Variants in SACM1L observed in about 807,000 individuals in gnomAD.
SACM1L encodes SAC1 like phosphatidylinositide phosphatase, also known as phosphatidylinositol-3-phosphatase SAC1.
In SACM1L, 32 loss-of-function variants were observed where a neutral mutation model predicts 89.5. The ratio of observed to expected loss-of-function variants is 0.36; its 90% CI spans 0.27 to 0.48. The LOEUF is 0.48. Among genes scored for constraint, SACM1L ranks in the 20% least tolerant of loss-of-function variants. The pLI, the probability that SACM1L is intolerant of heterozygous loss-of-function variation, is 0.99. For synonymous variants in SACM1L, 213 were observed against 232.8 expected (o/e 0.92, Z 0.77); for missense variants, 543 against 708.5 (o/e 0.77, Z 2.65).
chr3:45,693,444 A>AT (rs577555838), intron 1 of SACM1L, among the ~76,000 whole-genome samples: 3 of 152,348 alleles, frequency 2.0e-5, no homozygotes, highest in African/African-American at 7.2e-5. Flanking sequence ...TTTGGAATGT[A>AT]TCGTTTTGAA....
intron 8 of SACM1L, among the ~76,000 whole-genome samples, chr3:45,721,656 C>T (rs976829484): frequency 1.3e-5 from 2 of 152,034 alleles, no homozygotes; most frequent in Non-Finnish European, 2.9e-5. Context: ...TGGACATTTT[C>T]TCAGGGGTCT....
chr3:45,709,963 A>G (rs1387787001), intron 5 of SACM1L, among the ~76,000 whole-genome samples: 3 of 152,218 alleles, frequency 2.0e-5, no homozygotes, highest in Non-Finnish European at 4.4e-5. Context: ...CAGGCTACCA[A>G]GTGCTAACTC....
intron 11 of SACM1L, among the ~76,000 whole-genome samples, chr3:45,726,785 A>G (rs976246499): frequency 6.6e-6 from 1 of 151,346 alleles, no homozygotes; most frequent in African/African-American, 2.4e-5. Context: ...AAAGTGTAAA[A>G]TTAGGTTATT....
intron 1 of SACM1L, among the ~76,000 whole-genome samples, chr3:45,699,517 G>A (rs1328875780): frequency 6.6e-6 from 1 of 151,834 alleles, no homozygotes; most frequent in African/African-American, 2.4e-5. Context: ...AAAGTGCCTT[G>A]GTTCTTGTTA....
chr3:45,744,746 CTG>C lies in SACM1L; in HGVS notation c.*1080_*1081del, dbSNP rs1223369511. The C allele has an allele frequency of 6.6e-6, 1 of 152,574 alleles. No homozygotes were observed. 9.5% of individuals were successfully genotyped at this position (152,574 alleles called of 1,614,324 possible). ...AAACCTGAAAAATATGCTTCGGAAA[CTG>C]TGCATAGTTCTAATTGTAAGTCAGA... On this transcript the variant is annotated 3_prime_UTR_variant, in exon 20 of 20. Transcript: ENST00000389061.
chr3:45,738,440 G>A, intron 16 of SACM1L, 138 bp from the exon 17 acceptor site: 1 of 591,210 alleles, frequency 1.7e-6, no homozygotes, highest in Non-Finnish European at 3.0e-6. Context: ...GATTTCTTTT[G>A]TGAAGTATCT....
At chr3:45,716,824 T>G (rs1450998094) in intron 7 of SACM1L, among the ~76,000 whole-genome samples, 1 of 152,162 alleles carries the variant, frequency 6.6e-6, no homozygotes, top group Non-Finnish European at 1.5e-5. Flanking sequence ...GTAAATACAC[T>G]CACATTTTAA....
At chr3:45,695,699 A>C (rs907117637) in intron 1 of SACM1L, among the ~76,000 whole-genome samples, 1 of 152,194 alleles carries the variant, frequency 6.6e-6, no homozygotes. Flanking sequence ...TACCATCTCA[A>C]CCATTTTTAA....
chr3:45,705,324 A>T, intron 3 of SACM1L, 115 bp downstream of exon 3: 2 of 539,650 alleles, frequency 3.7e-6, no homozygotes, highest in Non-Finnish European at 3.3e-6. Context: ...TTAAGCAGTA[A>T]ATCTCTTGGT....
chr3:45,726,166 T>C (rs1395996056), intron 11 of SACM1L, among the ~76,000 whole-genome samples: 1 of 152,144 alleles, frequency 6.6e-6, no homozygotes, highest in Non-Finnish European at 1.5e-5. Context: ...TTTCTTGTAA[T>C]ATCTTTGTTT....
chr3:45,720,912 T>TA (rs1698774337), intron 8 of SACM1L, among the ~76,000 whole-genome samples: 1 of 152,222 alleles, frequency 6.6e-6, no homozygotes, highest in African/African-American at 2.4e-5. Context: ...TTGGCACAGT[T>TA]AAAAAATACA....
chr3:45,732,242 A>G, intron 13 of SACM1L, 91 bp downstream of exon 13: 2 of 607,386 alleles, frequency 3.3e-6, no homozygotes, highest in Admixed American at 2.9e-5. Flanking sequence ...ACTTACAAGT[A>G]CAGTTCACTG....
rs1047185722 is a variant in SACM1L, at chr3:45,707,922, C to T, written c.333+1015C>T. 2.0e-5 allele frequency among the ~76,000 whole-genome samples: 3 copies of T among 151,776 alleles called. No individual in the cohort carries two copies. In the East Asian group the frequency reaches 5.8e-4, roughly 29 times the overall value. Reference sequence around the variant, plus strand: ...TTTTACAAAGAAAATATTTTTTATTCTCGGTGTTTCTAATGTTTTAAATTA... The same window carrying T: ...TTTTACAAAGAAAATATTTTTTATTTTCGGTGTTTCTAATGTTTTAAATTA... On this transcript the variant is annotated intron_variant, in intron 4 of 19. Coordinates refer to ENST00000389061, the MANE Select transcript of SACM1L (RefSeq NM_014016.5).
rs1699172158 is a variant in SACM1L at position 45,735,223 on chromosome 3, A to G, written c.1101-12A>G. ...ACTTTGGTATGAGAGTGTTTATACA[A>G]ATATGTTTTAGTTATTTTCTAGTGG... On this transcript the variant is annotated splice_polypyrimidine_tract_variant and intron_variant, in intron 13 of 19. Transcript: ENST00000389061. The G allele has an allele frequency of 6.2e-7, 1 of 1,601,130 alleles. No homozygotes were observed. The highest frequency in any genetic ancestry group is 1.4e-5 in the African/African-American group (1 of 74,030).
rs1215589926 is a variant in SACM1L, at chr3:45,714,008, T to C, written c.544-38T>C. 6.2e-6 allele frequency: 7 copies of C among 1,127,576 alleles called. No individual in the cohort carries two copies. In the South Asian group the frequency reaches 1.3e-4, roughly 21 times the overall value. The allele number at this position is 1,127,576 out of a possible 1,614,324, so 69.8% of individuals were successfully genotyped here. On this transcript the variant is annotated intron_variant, in intron 6 of 19. Coordinates refer to ENST00000389061, the MANE Select transcript of SACM1L (RefSeq NM_014016.5). Reference sequence around the variant, plus strand: ...TTTTTATATAATGCTTATTTATTTTTAAAGTATATTTATTCTAAATATATA... The same window carrying C: ...TTTTTATATAATGCTTATTTATTTTCAAAGTATATTTATTCTAAATATATA...
Position 45,743,730 on chromosome 3 carries a change from T to C in SACM1L, c.*61T>C. The C allele has an allele frequency of 6.5e-7, 1 of 1,540,576 alleles. No homozygotes were observed. Among genetic ancestry groups the C allele is most frequent in the Non-Finnish European group, 8.7e-7 (1 of 1,144,672 alleles). On this transcript the variant is annotated 3_prime_UTR_variant, in exon 20 of 20. Coordinates refer to ENST00000389061, the MANE Select transcript of SACM1L (RefSeq NM_014016.5). ...TTCCATTGTGCAGAACTGGAGTCTT[T>C]ACTGACCCGCTTTCCACATCAGCCC...
At chr3:45,736,019 A>G (rs1699190413) in intron 14 of SACM1L, among the ~76,000 whole-genome samples, 1 of 152,020 alleles carries the variant, frequency 6.6e-6, no homozygotes, top group South Asian at 2.1e-4. Context: ...GGCATGTGCC[A>G]CCACACCTGG....
intron 8 of SACM1L, among the ~76,000 whole-genome samples, chr3:45,720,095 A>G (rs1417556395): frequency 3.3e-5 from 5 of 152,184 alleles, no homozygotes; most frequent in Non-Finnish European, 5.9e-5. Context: ...TATGAAAAGA[A>G]GTTTCTCCAA....
chr3:45,745,228 A>G lies in SACM1L; in HGVS notation c.*1559A>G, dbSNP rs1052906171. On this transcript the variant is annotated 3_prime_UTR_variant, in exon 20 of 20. Transcript: ENST00000389061. ...CTGGGCATTTCACTTAAAGAACTTA[A>G]TGTCAACAGCTACAACAAAGACCAA... The G allele has an allele frequency of 1.3e-5, 2 of 152,658 alleles. No homozygotes were observed. Among genetic ancestry groups the G allele is most frequent in the African/African-American group, 4.8e-5 (2 of 41,466 alleles). The allele number at this position is 152,658 out of a possible 1,614,324, so 9.5% of individuals were successfully genotyped here.
Sources: gnomAD v4.1 joint callset for allele counts (sites outside exome capture counted in the v4.1 genomes callset) on GRCh38, gnomAD v4.1.1 for gene constraint, MANE v1.5 for transcripts, NCBI Gene and HGNC (gene_info 2026-07-23, HGNC 2026-07-21) for gene names.